JPH3: variants seen among roughly 807,000 people sequenced by gnomAD.
JPH3 encodes the protein junctophilin 3.
A neutral mutation model predicts 59.6 loss-of-function variants in JPH3; 11 were observed. That is an observed-to-expected ratio of 0.18 (90% CI 0.12 to 0.31). The LOEUF (loss-of-function observed/expected upper bound fraction) is 0.31, where lower values mean the gene tolerates loss of function less well. Among genes scored for constraint, JPH3 ranks in the 10% least tolerant of loss-of-function variants. The pLI, the probability that JPH3 is intolerant of heterozygous loss-of-function variation, is 1.00. For synonymous variants in JPH3, 673 were observed against 483.6 expected (o/e 1.39, Z -5.14); for missense variants, 1,202 against 1,105.7 (o/e 1.09, Z -1.24).
intron 1 of JPH3, chr16:87,604,489 C>G: frequency 7.5e-7 from 1 of 1,330,714 alleles, no homozygotes. Flanking sequence ...AGTCCACTCC[C>G]ATGTGGGAGC....
chr16:87,651,573 T>C (rs1198622122), intron 2 of JPH3, among the ~76,000 whole-genome samples: 1 of 152,178 alleles, frequency 6.6e-6, no homozygotes, highest in African/African-American at 2.4e-5. Context: ...TGGACGGCTT[T>C]AGGGGCTCAA....
rs773024520 is a variant in JPH3 at position 87,690,295 on chromosome 16, C to A, written c.1935C>A (p.Pro645=). Reference sequence around the variant, plus strand: ...GGGGCTTGGGGGACGACCACCGCCCCGAGGACCGGGGCTTCGGGGTGCAGA... The same window carrying A: ...GGGGCTTGGGGGACGACCACCGCCCAGAGGACCGGGGCTTCGGGGTGCAGA... ...ACRGLGDDHR[P]EDRGFGVQRL... is the part of the protein sequence containing the mutation. The change falls in exon 4 of 5, where the codon CCC becomes CCA. Residue 645 remains proline, a synonymous_variant. Coordinates refer to ENST00000284262, the MANE Select transcript of JPH3 (RefSeq NM_020655.4). The A allele has an allele frequency of 6.3e-7, 1 of 1,597,858 alleles. No individual in the cohort carries two copies. Among genetic ancestry groups the A allele is most frequent in the Non-Finnish European group, 8.5e-7 (1 of 1,172,746 alleles).
Position 87,644,627 on chromosome 16 carries a change from G to T in JPH3, c.752G>T (p.Ser251Ile). 2 of 1,612,344 alleles carry T rather than the reference G, an allele frequency of 1.2e-6. No individual in the cohort carries two copies. Among genetic ancestry groups the T allele is most frequent in the Non-Finnish European group, 8.5e-7 (1 of 1,179,906 alleles). ...TCCTTTCGCAGCGAGGCGGGCATGAGCACCGTCAGCTCCACGGCCAGCGAC... is the reference window on the plus strand; with the variant it reads ...TCCTTTCGCAGCGAGGCGGGCATGATCACCGTCAGCTCCACGGCCAGCGAC... Reference protein sequence around the residue: ...QSSFRSEAGMSTVSSTASDIH... With the variant: ...QSSFRSEAGMITVSSTASDIH... The change falls in exon 2 of 5, where the codon AGC (serine) becomes ATC (isoleucine). Residue 251 changes from serine to isoleucine, a missense_variant. Coordinates refer to ENST00000284262, the MANE Select transcript of JPH3 (RefSeq NM_020655.4).
At chr16:87,684,388 T>C in intron 3 of JPH3, 122 bp downstream of exon 3, 1 of 1,432,564 alleles carries the variant, frequency 7.0e-7, no homozygotes, top group African/African-American at 1.4e-5. Context: ...CCCCAGCTGC[T>C]CCCCTGCCCG....
chr16:87,679,036 C>G (rs1166447498), intron 2 of JPH3, among the ~76,000 whole-genome samples: 3 of 152,210 alleles, frequency 2.0e-5, no homozygotes, highest in African/African-American at 7.2e-5. Flanking sequence ...GGGACACTTA[C>G]GTGAACTTCA....
chr16:87,639,011 A>T (rs1289292443), intron 1 of JPH3, among the ~76,000 whole-genome samples: 8 of 152,166 alleles, frequency 5.3e-5, no homozygotes, highest in African/African-American at 1.9e-4. Context: ...CTCAGGTGAC[A>T]GCCCTGGGTT....
chr16:87,692,377 C>T (rs1428616246), intron 4 of JPH3, among the ~76,000 whole-genome samples: 1 of 152,212 alleles, frequency 6.6e-6, no homozygotes, highest in Non-Finnish European at 1.5e-5. Context: ...GGACAGGTGT[C>T]AGGGCAGTCG....
chr16:87,604,043 G>A (rs1305214411), intron 1 of JPH3: 1 of 973,148 alleles, frequency 1.0e-6, no homozygotes, highest in South Asian at 4.8e-5. Flanking sequence ...CGCTAGGGGC[G>A]GGGGATGCCA....
upstream of JPH3, chr16:87,602,295 G>A (rs1267466523): frequency 6.7e-6 from 1 of 148,210 alleles, no homozygotes; most frequent in African/African-American, 2.5e-5. Context: ...GGGGCCCCGG[G>A]GAAGCCCAGG....
At chr16:87,602,464 GGGGCGCGCGGGCGGGCGGGGTGC>G (rs1339665006), upstream of JPH3, among the ~76,000 whole-genome samples, 13 of 132,518 alleles carry the variant, frequency 9.8e-5, no homozygotes, top group African/African-American at 3.0e-4. Context: ...GGGGCGGGCG[GGGGCGCGCGGGCGGGCGGGGTGC>G]GGGCGCGCGC....
chr16:87,605,343 TACTG>T (rs2030479773), intron 1 of JPH3, among the ~76,000 whole-genome samples: 1 of 152,144 alleles, frequency 6.6e-6, no homozygotes, highest in Non-Finnish European at 1.5e-5. Flanking sequence ...ATTCAACAAA[TACTG>T]ATGGAATGTT....
chr16:87,684,131 G>A lies in JPH3; in HGVS notation c.1161-11G>A. On this transcript the variant is annotated splice_polypyrimidine_tract_variant and intron_variant, in intron 2 of 4. Transcript: ENST00000284262. ...CCTGCCCCCCCTCACGCTCCTCCCT[G>A]TCTCCCCCAGGACCTCCCACTCTCG... The A allele has an allele frequency of 6.2e-7, 1 of 1,612,300 alleles. No homozygotes were observed. The highest frequency in any genetic ancestry group is 1.1e-5 in the South Asian group (1 of 90,988).
intron 2 of JPH3, among the ~76,000 whole-genome samples, chr16:87,662,926 C>A (rs963054805): frequency 6.6e-6 from 1 of 152,170 alleles, no homozygotes; most frequent in Non-Finnish European, 1.5e-5. Context: ...ACTTCCAGCA[C>A]CCCTTCGGGG....
chr16:87,695,238 T>C (rs2033773078), intron 4 of JPH3: 1 of 446,838 alleles, frequency 2.2e-6, no homozygotes, highest in Non-Finnish European at 4.5e-6. Flanking sequence ...CCACATGAGC[T>C]ACTCAGTCTT....
intron 4 of JPH3, chr16:87,695,694 C>G (rs1249810853): frequency 2.2e-6 from 1 of 451,974 alleles, no homozygotes; most frequent in African/African-American, 2.1e-5. Context: ...CCCCTGCCGT[C>G]CTGGGAGCTT....
At chr16:87,643,435 G>A (rs1461026861) in intron 1 of JPH3, among the ~76,000 whole-genome samples, 1 of 151,354 alleles carries the variant, frequency 6.6e-6, no homozygotes, top group African/African-American at 2.4e-5. Flanking sequence ...GAAGGTCATG[G>A]GCCACTGTCC....
At chr16:87,674,338 A>AG (rs1204391136) in intron 2 of JPH3, among the ~76,000 whole-genome samples, 1 of 152,116 alleles carries the variant, frequency 6.6e-6, no homozygotes, top group Non-Finnish European at 1.5e-5. Flanking sequence ...GTCTCAAAAA[A>AG]AAACAAAAAC....
Position 87,644,364 on chromosome 16 carries a change from C to A in JPH3, c.489C>A (p.Ser163=), listed in dbSNP as rs756992611. The A allele has an allele frequency of 1.2e-6, 2 of 1,612,872 alleles. No homozygotes were observed. Among genetic ancestry groups the A allele is most frequent in the Admixed American group, 1.7e-5 (1 of 60,004 alleles). The part of the protein sequence containing the change: ...AAVIRSPLRT[S]INSLRSEHTN... ...TCATCCGCTCACCCCTGAGGACGTCCATCAACTCCCTGCGCAGCGAGCACA... is the reference window on the plus strand; with the variant it reads ...TCATCCGCTCACCCCTGAGGACGTCAATCAACTCCCTGCGCAGCGAGCACA... The change falls in exon 2 of 5, where the codon TCC becomes TCA. Residue 163 remains serine (S), a synonymous_variant. Coordinates refer to ENST00000284262, the MANE Select transcript of JPH3 (RefSeq NM_020655.4).
intron 1 of JPH3, among the ~76,000 whole-genome samples, chr16:87,609,118 C>G (rs1436475486): frequency 6.6e-6 from 1 of 152,222 alleles, no homozygotes; most frequent in Non-Finnish European, 1.5e-5. Context: ...ACTTGGCATG[C>G]CTGCCTATGT....
Sources: gnomAD v4.1 joint callset for allele counts (sites outside exome capture counted in the v4.1 genomes callset) on GRCh38, gnomAD v4.1.1 for gene constraint, MANE v1.5 for transcripts, NCBI Gene and HGNC (gene_info 2026-07-23, HGNC 2026-07-21) for gene names.